SUPT3H: variants seen among roughly 807,000 people sequenced by gnomAD.
SUPT3H encodes transcription initiation protein SPT3 homolog.
In SUPT3H, 44 loss-of-function variants were observed where a neutral mutation model predicts 44.3. That is an observed-to-expected ratio of 0.99 (90% CI 0.78 to 1.28). SUPT3H has a LOEUF of 1.28. Among genes scored for constraint, SUPT3H ranks in the 50% most tolerant of loss-of-function variants. The pLI is 0.00. For synonymous variants in SUPT3H, 124 were observed against 125.6 expected (o/e 0.99, Z 0.09); for missense variants, 380 against 387.1 (o/e 0.98, Z 0.15).
At chr6:45,353,459 G>A (rs1223013284) in intron 2 of SUPT3H, among the ~76,000 whole-genome samples, 4 of 151,812 alleles carry the variant, frequency 2.6e-5, no homozygotes, top group East Asian at 1.9e-4. Context: ...ACTACTCAAC[G>A]GAACAAAGCA....
At chr6:44,823,215 A>G (rs1767484014), downstream of SUPT3H, among the ~76,000 whole-genome samples, 1 of 152,164 alleles carries the variant, frequency 6.6e-6, no homozygotes, top group African/African-American at 2.4e-5. Flanking sequence ...CCCTCAAGAA[A>G]TTCTTAATCT....
intron 2 of SUPT3H, among the ~76,000 whole-genome samples, chr6:45,280,286 G>A (rs1463640799): frequency 6.6e-6 from 1 of 152,082 alleles, no homozygotes; most frequent in Non-Finnish European, 1.5e-5. Flanking sequence ...TGTATCACTT[G>A]AGGTTAGGAT....
At chr6:45,288,016 G>C (rs181891389) in intron 2 of SUPT3H, among the ~76,000 whole-genome samples, 1 of 152,090 alleles carries the variant, frequency 6.6e-6, no homozygotes, top group East Asian at 1.9e-4. Flanking sequence ...CCAGGTTAAC[G>C]TGACAGCCAT....
intron 10 of SUPT3H, among the ~76,000 whole-genome samples, chr6:44,830,252 A>G (rs933092935): frequency 1.3e-5 from 2 of 152,182 alleles, no homozygotes; most frequent in African/African-American, 4.8e-5. Context: ...TTACTGACTC[A>G]TTACTGGCCC....
intron 2 of SUPT3H, among the ~76,000 whole-genome samples, chr6:45,148,164 C>T (rs1381440971): frequency 6.6e-6 from 1 of 152,088 alleles, no homozygotes; most frequent in East Asian, 1.9e-4. Context: ...TTAATTTCTC[C>T]AGATGGGATG....
At chr6:45,026,323 A>ATT (rs1209662064) in intron 3 of SUPT3H, among the ~76,000 whole-genome samples, 1 of 152,176 alleles carries the variant, frequency 6.6e-6, no homozygotes, top group African/African-American at 2.4e-5. Context: ...GTGTAGTTTC[A>ATT]TCACTAAGTG....
chr6:44,833,623 A>C (rs572769606), intron 10 of SUPT3H, among the ~76,000 whole-genome samples: 2 of 152,276 alleles, frequency 1.3e-5, no homozygotes, highest in South Asian at 4.1e-4. Context: ...AAATGCTGAG[A>C]TACATGGTTT....
intron 2 of SUPT3H, among the ~76,000 whole-genome samples, chr6:45,234,371 T>C (rs996204861): frequency 1.3e-5 from 2 of 151,486 alleles, no homozygotes; most frequent in East Asian, 3.9e-4. Context: ...TCTCTACTAA[T>C]ACTACAAAAA....
intron 2 of SUPT3H, among the ~76,000 whole-genome samples, chr6:45,248,505 C>T (rs1052134948): frequency 6.6e-6 from 1 of 152,196 alleles, no homozygotes; most frequent in Middle Eastern, 3.4e-3. Flanking sequence ...TCATTAGTCA[C>T]TAGGAAATGC....
chr6:44,976,152 A>G (rs1421785258), intron 6 of SUPT3H, among the ~76,000 whole-genome samples: 2 of 152,172 alleles, frequency 1.3e-5, no homozygotes, highest in Non-Finnish European at 2.9e-5. Context: ...ATGAGTTAAC[A>G]TAAAACAAAA....
rs192579048 is a variant in SUPT3H, at chr6:45,038,114, A to T, written c.187-17482T>A. ...TGTTAGAGTCTTGACGACATCCATG[A>T]CAAATCAATGAAAGATAAAATTAAA... On this transcript the variant is annotated intron_variant, in intron 3 of 10. Coordinates refer to ENST00000371459, the MANE Select transcript of SUPT3H (RefSeq NM_003599.4). Among the ~76,000 whole-genome samples the T allele has an allele frequency of 3.5e-4, 54 of 152,316 alleles. 1 individual carries two copies. The highest frequency in any genetic ancestry group is 2.0e-3 in the Admixed American group (31 of 15,288).
rs540855701 is a variant in SUPT3H, at chr6:44,884,715, T to C, written c.912+47938A>G. Reference sequence around the variant, plus strand: ...AGAAGACGGGTGATTTCTGCATTTCTATCTGAGGTACCGGGTTCATCTCAC... The same window carrying C: ...AGAAGACGGGTGATTTCTGCATTTCCATCTGAGGTACCGGGTTCATCTCAC... On this transcript the variant is annotated intron_variant, in intron 10 of 10. Transcript: ENST00000371459. Among the ~76,000 whole-genome samples the C allele has an allele frequency of 5.9e-5, 9 of 152,250 alleles. 1 individual carries two copies. The highest frequency in any genetic ancestry group is 2.1e-4 in the South Asian group (1 of 4,822).
At chr6:45,336,729 G>A (rs1042586171) in intron 2 of SUPT3H, among the ~76,000 whole-genome samples, 1 of 151,084 alleles carries the variant, frequency 6.6e-6, no homozygotes, top group Non-Finnish European at 1.5e-5. Context: ...TACTTACAAA[G>A]TAAATACATA....
chr6:45,027,155 A>G (rs1196400999), intron 3 of SUPT3H, among the ~76,000 whole-genome samples: 2 of 151,744 alleles, frequency 1.3e-5, no homozygotes, highest in Non-Finnish European at 2.9e-5. Context: ...ACATCTGGAT[A>G]ATTTCTGTAT....
intron 3 of SUPT3H, among the ~76,000 whole-genome samples, chr6:45,026,343 C>T (rs1785996790): frequency 6.6e-6 from 1 of 152,088 alleles, no homozygotes; most frequent in East Asian, 1.9e-4. Flanking sequence ...GATTGCACAA[C>T]CTTAGATACA....
intron 2 of SUPT3H, among the ~76,000 whole-genome samples, chr6:45,170,645 T>C (rs1016341954): frequency 6.6e-6 from 1 of 152,192 alleles, no homozygotes; most frequent in Non-Finnish European, 1.5e-5. Flanking sequence ...TTTTCTTTTT[T>C]TCTTTTTCTT....
At chr6:44,980,259 AG>A in intron 6 of SUPT3H, among the ~76,000 whole-genome samples, 1 of 151,768 alleles carries the variant, frequency 6.6e-6, no homozygotes, top group African/African-American at 2.4e-5. Flanking sequence ...AAAAAAAAAA[AG>A]AAAAAATGAC....
intron 3 of SUPT3H, among the ~76,000 whole-genome samples, chr6:45,092,051 A>G (rs1797187679): frequency 6.6e-6 from 1 of 152,102 alleles, no homozygotes; most frequent in African/African-American, 2.4e-5. Flanking sequence ...TTTTACTTGT[A>G]AACCAACTAG....
At position 45,013,528 on chromosome 6, in the gene SUPT3H, G is replaced by C. The variant is rs947790478; in HGVS notation, c.364+1273C>G. 4.6e-5 allele frequency among the ~76,000 whole-genome samples: 7 copies of C among 151,982 alleles called. No individual in the cohort carries two copies. The East Asian group carries it at 1.2e-3, about 25-fold the overall frequency. On this transcript the variant is annotated intron_variant, in intron 5 of 10. Coordinates refer to ENST00000371459, the MANE Select transcript of SUPT3H (RefSeq NM_003599.4). Reference sequence around the variant, plus strand: ...GATCTGAGAATGGTGATCTGGAAAGGGAAGCAACCCCTAGACTTCTAGGCT... The same window carrying C: ...GATCTGAGAATGGTGATCTGGAAAGCGAAGCAACCCCTAGACTTCTAGGCT...
Sources: gnomAD v4.1 joint callset for allele counts (sites outside exome capture counted in the v4.1 genomes callset) on GRCh38, gnomAD v4.1.1 for gene constraint, MANE v1.5 for transcripts, NCBI Gene and HGNC (gene_info 2026-07-23, HGNC 2026-07-21) for gene names.